CUX1: variants seen among roughly 807,000 people sequenced by gnomAD.
CUX1 encodes protein CASP.
In CUX1, 31 loss-of-function variants were observed where a neutral mutation model predicts 158.8. The ratio of observed to expected loss-of-function variants is 0.20; its 90% confidence interval spans 0.15 to 0.26. The LOEUF is 0.26. Ranked by LOEUF, CUX1 falls within the 10% of genes least tolerant of loss-of-function variation. The probability of loss-of-function intolerance (pLI) is 1.00; values close to 1 mark genes in which losing one functional copy is unlikely to be tolerated. For missense variants in CUX1, 1,589 were observed against 2,014.6 expected, an observed-to-expected ratio of 0.79 and a Z score of 4.04; for synonymous variants, 879 against 862.1, an observed-to-expected ratio of 1.02 and a Z score of -0.34.
At chr7:101,946,867 G>A (rs1264632719) in intron 2 of CUX1, among the ~76,000 whole-genome samples, 2 of 152,112 alleles carry the variant, frequency 1.3e-5, no homozygotes, top group Non-Finnish European at 2.9e-5. Flanking sequence ...GAGGGCTCAG[G>A]GGACAATGTT....
rs1789992361 is a variant in CUX1 at position 102,257,228 on chromosome 7, A to G, written c.*8186A>G. The G allele has an allele frequency of 3.0e-6, 3 of 985,018 alleles. No individual in the cohort carries two copies. In the South Asian group the frequency reaches 1.4e-4, roughly 46 times the overall value. 61.0% of individuals were successfully genotyped at this position (985,018 alleles called of 1,614,324 possible). On this transcript the variant is annotated 3_prime_UTR_variant, in exon 24 of 24. Coordinates refer to ENST00000292535, the MANE Select transcript of CUX1 (RefSeq NM_181552.4). ...ATATCATCACCTCCCCTTCTCCAAG[A>G]TTGCCGGGGGCCCTGATTTTGTTCT...
intron 1 of CUX1, among the ~76,000 whole-genome samples, chr7:101,877,756 T>TTGTGTG (rs112494807): frequency 5.6e-4 from 84 of 148,940 alleles, no homozygotes; most frequent in Middle Eastern, 6.9e-3. Flanking sequence ...ATCCCTCCAA[T>TTGTGTG]TGTGTGTGTG....
chr7:102,253,800 A>C lies in CUX1; in HGVS notation c.*4758A>C. On this transcript the variant is annotated 3_prime_UTR_variant, in exon 24 of 24. Transcript: ENST00000292535. ...AGGGCGAGATGTAGCAACACGGGGC[A>C]TGAGCGGTGGGCGTGCTGGGCTATT... The C allele has an allele frequency of 2.0e-6, 2 of 985,594 alleles. No homozygotes were observed. The highest frequency in any genetic ancestry group is 2.4e-6 in the Non-Finnish European group (2 of 830,050). 61.1% of individuals were successfully genotyped at this position (985,594 alleles called of 1,614,324 possible).
chr7:102,081,889 G>T lies in CUX1; in HGVS notation c.268+11472G>T, dbSNP rs892679770. Among the ~76,000 whole-genome samples, 2 of 146,754 alleles carry T rather than the reference G, an allele frequency of 1.4e-5. 1 individual carries two copies. The highest frequency in any genetic ancestry group is 3.1e-5 in the Non-Finnish European group (2 of 64,934). ...GATGCGTCCGCCTCCGCCTCCCAAAGTGTTGGGATTAGAGGCATGAGCCAC... is the reference window on the plus strand; with the variant it reads ...GATGCGTCCGCCTCCGCCTCCCAAATTGTTGGGATTAGAGGCATGAGCCAC... On this transcript the variant is annotated intron_variant, in intron 4 of 23. Coordinates refer to ENST00000292535, the MANE Select transcript of CUX1 (RefSeq NM_181552.4).
chr7:102,215,439 TG>T (rs1554524280), intron 20 of CUX1, among the ~76,000 whole-genome samples: 1 of 152,166 alleles, frequency 6.6e-6, no homozygotes, highest in African/African-American at 2.4e-5. Flanking sequence ...CACGGTCCAC[TG>T]CCTGATTAAT....
chr7:102,008,774 A>G (rs1817667079), intron 2 of CUX1, among the ~76,000 whole-genome samples: 1 of 152,146 alleles, frequency 6.6e-6, no homozygotes, highest in African/African-American at 2.4e-5. Flanking sequence ...ACTTACGATG[A>G]ACAAAATAGC....
intron 20 of CUX1, among the ~76,000 whole-genome samples, chr7:102,222,449 G>A (rs1208217603): frequency 1.3e-5 from 2 of 152,092 alleles, no homozygotes; most frequent in African/African-American, 2.4e-5. Context: ...CTGAGCCTCT[G>A]TTTTCTCACC....
intron 2 of CUX1, among the ~76,000 whole-genome samples, chr7:101,992,332 T>C (rs1176213216): frequency 6.6e-6 from 1 of 152,202 alleles, no homozygotes; most frequent in Non-Finnish European, 1.5e-5. Flanking sequence ...AAAATTTTAT[T>C]TGAAAATGGC....
At chr7:101,841,042 C>T (rs369209038) in intron 1 of CUX1, among the ~76,000 whole-genome samples, 9 of 151,946 alleles carry the variant, frequency 5.9e-5, no homozygotes, top group South Asian at 2.1e-4. Flanking sequence ...TACAGGTGCC[C>T]GCCACCACGC....
chr7:101,948,132 T>G (rs1315183912), intron 2 of CUX1, among the ~76,000 whole-genome samples: 1 of 152,196 alleles, frequency 6.6e-6, no homozygotes, highest in East Asian at 1.9e-4. Flanking sequence ...TCAGCCCCAA[T>G]TACTATATTC....
At chr7:101,997,458 C>T (rs1816097436) in intron 2 of CUX1, among the ~76,000 whole-genome samples, 1 of 152,102 alleles carries the variant, frequency 6.6e-6, no homozygotes, top group African/African-American at 2.4e-5. Context: ...ATTCTCCTGC[C>T]CCAGCCTCCC....
intron 14 of CUX1, among the ~76,000 whole-genome samples, chr7:102,272,661 G>T (rs1479211890): frequency 6.6e-6 from 1 of 152,220 alleles, no homozygotes; most frequent in African/African-American, 2.4e-5. Context: ...TTGGGTCTGG[G>T]TCCCTTCCCC....
chr7:102,054,592 TC>T (rs1429229949), intron 3 of CUX1, among the ~76,000 whole-genome samples: 1 of 152,188 alleles, frequency 6.6e-6, no homozygotes, highest in African/African-American at 2.4e-5. Context: ...CAACCTTGTT[TC>T]CTTTTTCAAA....
rs200090006 is a variant in CUX1, at chr7:101,837,828, CAAAAAAAAAAAA to C, written c.30+20178_30+20189del. On this transcript the variant is annotated intron_variant, in intron 1 of 23. Coordinates refer to ENST00000292535, the MANE Select transcript of CUX1 (RefSeq NM_181552.4). ...CCTGGGTGACAGAACGAGACCCTGT[CAAAAAAAAAAAA>C]AAAAAAAAAAAAAAAAAAGGATACC... 1.3e-3 allele frequency among the ~76,000 whole-genome samples: 56 copies of C among 44,376 alleles called. 1 individual carries two copies. Among genetic ancestry groups the C allele is most frequent in the African/African-American group, 3.6e-3 (38 of 10,524 alleles). The allele number at this position is 44,376 out of a possible 152,430, so 29.1% of individuals were successfully genotyped here. A position where few individuals can be genotyped will look rare whatever the true frequency, so the allele number is the denominator to read the frequency against.
At chr7:101,990,220 G>C (rs1814920337) in intron 2 of CUX1, among the ~76,000 whole-genome samples, 1 of 151,828 alleles carries the variant, frequency 6.6e-6, no homozygotes, top group Non-Finnish European at 1.5e-5. Context: ...GTTTAAATTA[G>C]CTGGGCGTGG....
intron 12 of CUX1, among the ~76,000 whole-genome samples, chr7:102,193,416 C>T (rs1336504260): frequency 6.6e-6 from 1 of 152,218 alleles, no homozygotes; most frequent in Admixed American, 6.5e-5. Flanking sequence ...GATTCTATTA[C>T]TGCCAGGGAA....
chr7:101,858,583 G>A (rs1797124336), intron 1 of CUX1, among the ~76,000 whole-genome samples: 1 of 151,860 alleles, frequency 6.6e-6, no homozygotes, highest in African/African-American at 2.4e-5. Flanking sequence ...AATGCTCAGT[G>A]AGCCCTATGT....
intron 2 of CUX1, among the ~76,000 whole-genome samples, chr7:101,939,116 A>T (rs1807380803): frequency 3.2e-5 from 3 of 94,724 alleles, no homozygotes; most frequent in South Asian, 7.5e-4. Flanking sequence ...TATATATATG[A>T]TGGTTCCACT....
At chr7:101,867,604 G>A (rs1798064543) in intron 1 of CUX1, among the ~76,000 whole-genome samples, 1 of 152,174 alleles carries the variant, frequency 6.6e-6, no homozygotes, top group African/African-American at 2.4e-5. Context: ...CATCCAAAGT[G>A]CCCTCTGAAG....
Sources: gnomAD v4.1 joint callset for allele counts (sites outside exome capture counted in the v4.1 genomes callset) on GRCh38, gnomAD v4.1.1 for gene constraint, MANE v1.5 for transcripts, NCBI Gene and HGNC (gene_info 2026-07-23, HGNC 2026-07-21) for gene names.